Variants in CCSER1 observed in about 807,000 individuals in gnomAD.
CCSER1 encodes the protein serine-rich coiled-coil domain-containing protein 1.
CCSER1 carries 41 observed loss-of-function variants against 82.0 expected under a neutral mutation model. The ratio of observed to expected loss-of-function variants is 0.50; its 90% CI spans 0.39 to 0.65. CCSER1 has a LOEUF of 0.65. Ranked by LOEUF, CCSER1 falls within the 30% of genes least tolerant of loss-of-function variation. The probability of loss-of-function intolerance (pLI) is 0.00; values close to 1 mark genes in which losing one functional copy is unlikely to be tolerated. For missense variants in CCSER1, 1,119 were observed against 1,064.2 expected (o/e 1.05, Z -0.72); for synonymous variants, 414 against 383.9 (o/e 1.08, Z -0.92).
At chr4:90,751,272 C>A (rs1210033024) in intron 7 of CCSER1, among the ~76,000 whole-genome samples, 1 of 152,054 alleles carries the variant, frequency 6.6e-6, no homozygotes, top group Non-Finnish European at 1.5e-5. Context: ...TTAATATACA[C>A]AAAATTTAGC....
intron 7 of CCSER1, among the ~76,000 whole-genome samples, chr4:90,772,326 G>A (rs1297787091): frequency 6.6e-6 from 1 of 151,906 alleles, no homozygotes; most frequent in Non-Finnish European, 1.5e-5. Context: ...ACAAACTTCA[G>A]GTTAATTACT....
chr4:90,348,552 C>T (rs570519663), intron 3 of CCSER1, among the ~76,000 whole-genome samples: 4 of 152,182 alleles, frequency 2.6e-5, no homozygotes, highest in African/African-American at 9.6e-5. Context: ...ATAGTACTGT[C>T]TCTATCTGTT....
intron 1 of CCSER1, among the ~76,000 whole-genome samples, chr4:90,148,287 A>C (rs909944019): frequency 1.3e-5 from 2 of 152,222 alleles, no homozygotes; most frequent in African/African-American, 4.8e-5. Context: ...TGTGCATAAG[A>C]AAAATAATAG....
chr4:90,556,882 A>G (rs1379725224), intron 5 of CCSER1, among the ~76,000 whole-genome samples: 2 of 151,666 alleles, frequency 1.3e-5, no homozygotes, highest in Admixed American at 6.6e-5. Flanking sequence ...GGACATATAA[A>G]TGTATATACA....
At chr4:90,785,484 T>A (rs1754376700) in intron 7 of CCSER1, among the ~76,000 whole-genome samples, 1 of 152,200 alleles carries the variant, frequency 6.6e-6, no homozygotes, top group Non-Finnish European at 1.5e-5. Flanking sequence ...ATATTTACAT[T>A]GATAATCAAA....
chr4:91,591,839 T>C (rs187255392), intron 10 of CCSER1, among the ~76,000 whole-genome samples: 107 of 152,306 alleles, frequency 7.0e-4, no homozygotes, highest in African/African-American at 2.5e-3. Flanking sequence ...TCCCTTTCAA[T>C]TCATTTTCTA....
intron 7 of CCSER1, among the ~76,000 whole-genome samples, chr4:90,764,345 A>G (rs2149531747): frequency 6.6e-6 from 1 of 152,338 alleles, no homozygotes; most frequent in East Asian, 1.9e-4. Flanking sequence ...AAGTAGAACT[A>G]TAATCCATGA....
At chr4:91,307,700 C>T (rs561655449) in intron 10 of CCSER1, among the ~76,000 whole-genome samples, 5 of 152,016 alleles carry the variant, frequency 3.3e-5, no homozygotes, top group Middle Eastern at 3.4e-3. Context: ...CAGTTCCTTG[C>T]TGAAGGGAAA....
Position 90,252,681 on chromosome 4 carries a change from G to A in CCSER1, c.-41-55563G>A, listed in dbSNP as rs190062000. On this transcript the variant is annotated intron_variant, in intron 1 of 10. Transcript: ENST00000509176. ...TTAAATGTTCAATTAAATTATTATT[G>A]ATTATAGTGCCCCTGTTGTGTTATC... Among the ~76,000 whole-genome samples the A allele has an allele frequency of 4.5e-3, 678 of 151,620 alleles. 5 individuals carry two copies. The highest frequency in any genetic ancestry group is 0.016 in the African/African-American group (644 of 41,424).
At chr4:91,440,521 A>G (rs1560673430) in intron 10 of CCSER1, among the ~76,000 whole-genome samples, 3 of 152,250 alleles carry the variant, frequency 2.0e-5, no homozygotes, top group East Asian at 1.9e-4. Context: ...AAAGCAGGAA[A>G]TATCTAAAAT....
chr4:91,452,504 T>C (rs540961618), intron 10 of CCSER1, among the ~76,000 whole-genome samples: 36 of 152,010 alleles, frequency 2.4e-4, no homozygotes, highest in Non-Finnish European at 4.4e-4. Flanking sequence ...GCAAAGCACA[T>C]ATGTCAAGCA....
At chr4:91,259,402 T>G (rs1740930719) in intron 10 of CCSER1, among the ~76,000 whole-genome samples, 1 of 152,142 alleles carries the variant, frequency 6.6e-6, no homozygotes, top group Non-Finnish European at 1.5e-5. Flanking sequence ...GAAATAATCA[T>G]GAAAGGATAT....
At chr4:91,084,082 C>G (rs531603381) in intron 9 of CCSER1, among the ~76,000 whole-genome samples, 3 of 152,172 alleles carry the variant, frequency 2.0e-5, no homozygotes, top group South Asian at 2.1e-4. Flanking sequence ...GGGCACCCAC[C>G]ACCACACCCA....
At chr4:90,949,890 G>A (rs1732703999) in intron 9 of CCSER1, among the ~76,000 whole-genome samples, 1 of 151,994 alleles carries the variant, frequency 6.6e-6, no homozygotes, top group Admixed American at 6.6e-5. Flanking sequence ...CTACTGTACG[G>A]ATGAACATAT....
intron 9 of CCSER1, among the ~76,000 whole-genome samples, chr4:90,972,902 A>G (rs1320171917): frequency 2.6e-5 from 4 of 151,790 alleles, no homozygotes; most frequent in African/African-American, 7.3e-5. Flanking sequence ...AAAGCATACA[A>G]TGGGGGGACG....
At chr4:90,718,671 G>T (rs577794237) in intron 6 of CCSER1, among the ~76,000 whole-genome samples, 194 of 152,188 alleles carry the variant, frequency 1.3e-3, no homozygotes, top group Non-Finnish European at 2.4e-3. Flanking sequence ...AATTTACTTT[G>T]ATGAAAGTTT....
intron 5 of CCSER1, among the ~76,000 whole-genome samples, chr4:90,542,540 A>G (rs1004266801): frequency 6.6e-6 from 1 of 152,114 alleles, no homozygotes; most frequent in African/African-American, 2.4e-5. Context: ...TAGGGTACTC[A>G]GTTATGACAA....
intron 7 of CCSER1, among the ~76,000 whole-genome samples, chr4:90,812,192 C>T: frequency 6.6e-6 from 1 of 151,976 alleles, no homozygotes; most frequent in East Asian, 1.9e-4. Flanking sequence ...TCTCTTTTCA[C>T]ATTTTTCTGC....
chr4:90,529,987 T>C (rs1774304368), intron 5 of CCSER1, among the ~76,000 whole-genome samples: 1 of 151,498 alleles, frequency 6.6e-6, no homozygotes, highest in South Asian at 2.1e-4. Context: ...ATATCTGATC[T>C]GTTCTTATGA....
Sources: gnomAD v4.1 joint callset for allele counts (sites outside exome capture counted in the v4.1 genomes callset) on GRCh38, gnomAD v4.1.1 for gene constraint, MANE v1.5 for transcripts, NCBI Gene and HGNC (gene_info 2026-07-23, HGNC 2026-07-21) for gene names.